The following LRCH1 variants were observed in gnomAD, a reference collection of about 807,000 sequenced individuals.
The protein encoded by LRCH1 is leucine-rich repeat and calponin homology domain-containing protein 1.
Under a neutral mutation model 94.9 loss-of-function variants are expected in LRCH1, and 23 were observed. The observed-to-expected ratio is 0.24, with a 90% CI of 0.17 to 0.34. LRCH1 has a LOEUF of 0.34. Among genes scored for constraint, LRCH1 ranks in the 10% least tolerant of loss-of-function variants. The probability of loss-of-function intolerance (pLI) is 1.00; values close to 1 mark genes in which losing one functional copy is unlikely to be tolerated. For missense variants in LRCH1, 790 were observed against 945.9 expected (o/e 0.84, Z 2.16); for synonymous variants, 364 against 354.9 (o/e 1.03, Z -0.29).
chr13:46,638,624 G>A (rs1360543956), intron 1 of LRCH1, among the ~76,000 whole-genome samples: 1 of 152,210 alleles, frequency 6.6e-6, no homozygotes, highest in Non-Finnish European at 1.5e-5. Flanking sequence ...TATGTTGGAA[G>A]TCTTTAAAAA....
In LRCH1 at chr13:46,742,928, A is replaced by G. The variant is rs775707243; in HGVS notation, c.*1080A>G. On this transcript the variant is annotated 3_prime_UTR_variant, in exon 20 of 20. Transcript: ENST00000389797. ...ATTAACTAGCAAACTGCTTTAAGTCAGCTCAAAGGATTATATAGTAACTAT... is the reference window on the plus strand; with the variant it reads ...ATTAACTAGCAAACTGCTTTAAGTCGGCTCAAAGGATTATATAGTAACTAT... The G allele has an allele frequency of 2.1e-5, 21 of 985,354 alleles. No individual in the cohort carries two copies. The highest frequency in any genetic ancestry group is 2.5e-5 in the Non-Finnish European group (21 of 829,820). 61.0% of individuals were successfully genotyped at this position (985,354 alleles called of 1,614,324 possible).
In LRCH1 at chr13:46,582,147, C is replaced by CT. The variant is rs2050374744; in HGVS notation, c.307+28445dup. On this transcript the variant is annotated intron_variant, in intron 1 of 19. Transcript: ENST00000389797. ...CCTGGGCGGCAGAGAGAGACTCCAT[C>CT]TCAAAAAAAAAAAAAAAAAGAAAGA... Among the ~76,000 whole-genome samples, 7 of 43,400 alleles carry CT rather than the reference C, an allele frequency of 1.6e-4. No individual in the cohort carries two copies. The South Asian group carries it at 5.3e-3, about 33-fold the overall frequency. The allele number at this position is 43,400 out of a possible 152,430, so 28.5% of individuals were successfully genotyped here.
chr13:46,706,180 C>A (rs550056451), intron 13 of LRCH1, among the ~76,000 whole-genome samples: 3 of 152,144 alleles, frequency 2.0e-5, no homozygotes, highest in African/African-American at 7.2e-5. Context: ...TTAAGCGCAG[C>A]GACTTGGAAT....
At chr13:46,728,515 C>G (rs1256672897) in intron 17 of LRCH1, among the ~76,000 whole-genome samples, 1 of 152,230 alleles carries the variant, frequency 6.6e-6, no homozygotes, top group Non-Finnish European at 1.5e-5. Context: ...TGTGCCCGAC[C>G]AGAGAAAAGC....
chr13:46,722,588 C>G (rs372460013), intron 16 of LRCH1, among the ~76,000 whole-genome samples: 8 of 152,310 alleles, frequency 5.3e-5, no homozygotes, highest in African/African-American at 1.9e-4. Flanking sequence ...CTTCAAGAAC[C>G]TGAAGCCAGC....
At chr13:46,735,809 T>TTTTC (rs1566257882) in intron 19 of LRCH1, among the ~76,000 whole-genome samples, 5 of 137,664 alleles carry the variant, frequency 3.6e-5, no homozygotes, top group Non-Finnish European at 4.7e-5. Flanking sequence ...TTTTTTTTTT[T>TTTTC]CGAGATGGAG....
intron 3 of LRCH1, among the ~76,000 whole-genome samples, chr13:46,677,878 C>G (rs534422496): frequency 6.6e-5 from 10 of 152,210 alleles, no homozygotes; most frequent in Admixed American, 5.9e-4. Context: ...TTATAACATG[C>G]TCATGATTCT....
chr13:46,746,043 C>T (rs560233157), downstream of LRCH1, among the ~76,000 whole-genome samples: 21 of 152,236 alleles, frequency 1.4e-4, no homozygotes, highest in South Asian at 4.2e-4. Flanking sequence ...ATATCATGAC[C>T]GCAGACCTAA....
At chr13:46,625,382 G>A (rs2050933365) in intron 1 of LRCH1, among the ~76,000 whole-genome samples, 1 of 152,214 alleles carries the variant, frequency 6.6e-6, no homozygotes, top group Non-Finnish European at 1.5e-5. Flanking sequence ...CCAGGGCGAT[G>A]GTATTAGGAG....
intron 1 of LRCH1, among the ~76,000 whole-genome samples, chr13:46,620,311 G>A (rs748359778): frequency 6.6e-6 from 1 of 151,668 alleles, no homozygotes; most frequent in Non-Finnish European, 1.5e-5. Context: ...GTAGCAGTCA[G>A]CTGAGATTGT....
rs113834086 is a variant in LRCH1 at position 46,673,268 on chromosome 13, G to A, written c.579+4112G>A. Among the ~76,000 whole-genome samples, 538 of 152,046 alleles carry A rather than the reference G, an allele frequency of 3.5e-3. 4 individuals carry two copies. Among genetic ancestry groups the A allele is most frequent in the African/African-American group, 0.012 (506 of 41,470 alleles). On this transcript the variant is annotated intron_variant, in intron 3 of 19. Transcript: ENST00000389797. Reference sequence around the variant, plus strand: ...CAGCTCCGTCACCTGTGTTCTTTCCGTTCCCTGCCCCTGTGTATGAGCAAG... The same window carrying A: ...CAGCTCCGTCACCTGTGTTCTTTCCATTCCCTGCCCCTGTGTATGAGCAAG...
chr13:46,694,935 G>T lies in LRCH1; in HGVS notation c.1163G>T (p.Gly388Val), dbSNP rs1157739766. 2 of 1,614,128 alleles carry T rather than the reference G, an allele frequency of 1.2e-6. No homozygotes were observed. The change falls in exon 9 of 20, where the codon GGT becomes GTT. Residue 388 changes from glycine (G) to valine (V), a missense_variant. By Grantham distance (109) the Gly-to-Val change is moderately radical. This residue lies in a region of LRCH1 where 460 missense variants were observed against 508.9 expected (regional missense o/e 0.90). Coordinates refer to ENST00000389797, the MANE Select transcript of LRCH1 (RefSeq NM_001164211.2). The stretch of plus-strand genomic sequence containing the variant: ...TTTCAACCGGAGCCTTCCCTTTTGG[G>T]TGACAGCACCAACTCAGGAGAAGAA... ...QEFQPEPSLL[G>V]DSTNSGEERD...
chr13:46,608,460 G>C (rs887187788), intron 1 of LRCH1, among the ~76,000 whole-genome samples: 2 of 151,990 alleles, frequency 1.3e-5, no homozygotes, highest in Non-Finnish European at 2.9e-5. Flanking sequence ...AGTAATTTCT[G>C]GAAAAAAGAA....
chr13:46,596,278 C>T (rs919758113), intron 1 of LRCH1, among the ~76,000 whole-genome samples: 7 of 152,090 alleles, frequency 4.6e-5, no homozygotes, highest in African/African-American at 1.7e-4. Context: ...TAATGAACAC[C>T]GAGGAAAGCT....
intron 10 of LRCH1, among the ~76,000 whole-genome samples, chr13:46,700,308 T>C (rs1871396960): frequency 6.6e-6 from 1 of 152,198 alleles, no homozygotes; most frequent in Admixed American, 6.5e-5. Flanking sequence ...GTCATTGGCT[T>C]ACATTCTATG....
chr13:46,723,439 G>T, intron 17 of LRCH1, 109 bp downstream of exon 17: 1 of 803,858 alleles, frequency 1.2e-6, no homozygotes, highest in Non-Finnish European at 2.0e-6. Flanking sequence ...ATCTAGCCAG[G>T]TCACTTAGTG....
At position 46,569,254 on chromosome 13, in the gene LRCH1, G is replaced by A. The variant is rs1483986483; in HGVS notation, c.307+15551G>A. On this transcript the variant is annotated intron_variant, in intron 1 of 19. Coordinates refer to ENST00000389797, the MANE Select transcript of LRCH1 (RefSeq NM_001164211.2). ...GTCCAATGTTGAAAGCATTTGTTGC[G>A]CACCTACTGGATGTCAGACACTTTG... Among the ~76,000 whole-genome samples, 7 of 152,100 alleles carry A rather than the reference G, an allele frequency of 4.6e-5. No homozygotes were observed. In the South Asian group the frequency reaches 6.2e-4, roughly 14 times the overall value.
chr13:46,599,202 T>A (rs901892976), intron 1 of LRCH1, among the ~76,000 whole-genome samples: 9 of 152,206 alleles, frequency 5.9e-5, no homozygotes, highest in Admixed American at 2.0e-4. Flanking sequence ...GATTAATATT[T>A]AATTGCATGT....
chr13:46,554,148 C>A (rs1566139005), intron 1 of LRCH1, among the ~76,000 whole-genome samples: 1 of 152,252 alleles, frequency 6.6e-6, no homozygotes, highest in Non-Finnish European at 1.5e-5. Context: ...CCAGTTCAAG[C>A]CGTCTTTGCA....
Sources: gnomAD v4.1 joint callset for allele counts (sites outside exome capture counted in the v4.1 genomes callset) on GRCh38, gnomAD v4.1.1 for gene constraint, gnomAD v4.1.1 regional missense constraint, MANE v1.5 for transcripts, NCBI Gene and HGNC (gene_info 2026-07-23, HGNC 2026-07-21) for gene names.